Variants in DLG2 observed in about 807,000 individuals in gnomAD.
DLG2 encodes disks large homolog 2.
DLG2 carries 45 observed loss-of-function variants against 132.5 expected under a neutral mutation model. That is an observed-to-expected ratio of 0.34 (90% CI 0.27 to 0.44). The LOEUF (loss-of-function observed/expected upper bound fraction) is 0.44, where lower values mean the gene tolerates loss of function less well. Ranked by LOEUF, DLG2 falls within the 20% of genes least tolerant of loss-of-function variation. The pLI is 1.00. For missense variants in DLG2, 1,045 were observed against 1,196.9 expected (o/e 0.87, Z 1.87); for synonymous variants, 424 against 419.6 (o/e 1.01, Z -0.13).
intron 3 of DLG2, among the ~76,000 whole-genome samples, chr11:85,467,478 T>C (rs2092830670): frequency 6.6e-6 from 1 of 152,210 alleles, no homozygotes; most frequent in Non-Finnish European, 1.5e-5. Context: ...TTTTGAGATA[T>C]GTCCCATCAA....
intron 8 of DLG2, among the ~76,000 whole-genome samples, chr11:84,228,339 C>T (rs182361881): frequency 2.0e-5 from 3 of 152,298 alleles, no homozygotes; most frequent in Admixed American, 1.3e-4. Flanking sequence ...GTCCTTGACA[C>T]ATTCATCTTG....
intron 6 of DLG2, among the ~76,000 whole-genome samples, chr11:84,645,008 A>C (rs1174899094): frequency 6.6e-6 from 1 of 152,206 alleles, no homozygotes; most frequent in Admixed American, 6.5e-5. Context: ...GTACCCCTGC[A>C]GAGTTGCATT....
At chr11:84,751,747 T>C (rs2066142796) in intron 6 of DLG2, among the ~76,000 whole-genome samples, 2 of 152,180 alleles carry the variant, frequency 1.3e-5, no homozygotes, top group African/African-American at 2.4e-5. Flanking sequence ...TAGCAACAAA[T>C]TGCAATTGAT....
chr11:83,838,280 G>A (rs1433920767), intron 16 of DLG2, among the ~76,000 whole-genome samples: 1 of 152,144 alleles, frequency 6.6e-6, no homozygotes, highest in Non-Finnish European at 1.5e-5. Context: ...GAATCTAGGT[G>A]ACAAGTACAC....
chr11:84,718,011 T>A (rs189688400), intron 6 of DLG2, among the ~76,000 whole-genome samples: 1 of 152,172 alleles, frequency 6.6e-6, no homozygotes, highest in African/African-American at 2.4e-5. Context: ...TATTTTCTGT[T>A]GTCATCTGTC....
chr11:84,102,574 G>A (rs1327750177), intron 9 of DLG2, among the ~76,000 whole-genome samples: 1 of 152,116 alleles, frequency 6.6e-6, no homozygotes, highest in African/African-American at 2.4e-5. Flanking sequence ...TGTTCAGATT[G>A]GAGATGCACT....
rs1454595347 is a variant in DLG2, at chr11:85,598,707, A to G, written c.-11T>C. ...CTTAAAGATACCCATCACCTTTTTA[A>G]CCGCATTTTTCAACAGCTGCTCCTC... On this transcript the variant is annotated 5_prime_UTR_variant, in exon 3 of 28. Transcript: ENST00000376104. The G allele has an allele frequency of 6.3e-7, 1 of 1,578,192 alleles. No homozygotes were observed. The highest frequency in any genetic ancestry group is 8.6e-7 in the Non-Finnish European group (1 of 1,164,706).
chr11:85,473,734 A>G (rs1312507763), intron 3 of DLG2, among the ~76,000 whole-genome samples: 2 of 152,050 alleles, frequency 1.3e-5, no homozygotes, highest in Non-Finnish European at 2.9e-5. Context: ...AGACTTGTAG[A>G]AAAAAATACA....
intron 4 of DLG2, among the ~76,000 whole-genome samples, chr11:85,264,190 G>A (rs749875420): frequency 5.9e-5 from 9 of 152,230 alleles, no homozygotes; most frequent in South Asian, 4.1e-4. Flanking sequence ...GAGGAATCAC[G>A]TTTTGGAGTT....
intron 15 of DLG2, among the ~76,000 whole-genome samples, chr11:83,892,331 T>C (rs1205987232): frequency 6.6e-6 from 1 of 152,196 alleles, no homozygotes; most frequent in Non-Finnish European, 1.5e-5. Context: ...CGCTTTCCTC[T>C]GGGATTAATT....
intron 7 of DLG2, among the ~76,000 whole-genome samples, chr11:84,395,901 A>C (rs2098809301): frequency 6.6e-6 from 1 of 152,262 alleles, no homozygotes; most frequent in Admixed American, 6.5e-5. Flanking sequence ...TGTCAGAAAC[A>C]GAAGTCCTTG....
At chr11:85,117,101 C>A (rs115142603) in intron 5 of DLG2, among the ~76,000 whole-genome samples, 3 of 152,064 alleles carry the variant, frequency 2.0e-5, no homozygotes, top group Middle Eastern at 3.4e-3. Context: ...TCTCAGAGTT[C>A]GTCAAGGCAA....
Position 84,758,624 on chromosome 11 carries a change from T to C in DLG2, c.358-223893A>G, listed in dbSNP as rs909388523. Among the ~76,000 whole-genome samples, 48 of 152,322 alleles carry C rather than the reference T, an allele frequency of 3.2e-4. 1 individual carries two copies. Among genetic ancestry groups the C allele is most frequent in the African/African-American group, 1.0e-3 (42 of 41,580 alleles). ...ACCTCAGGGATTCAAATTTGTATTA[T>C]TTTAAATCATACCATAAATGACCAT... On this transcript the variant is annotated intron_variant, in intron 6 of 27. Coordinates refer to ENST00000376104, the MANE Select transcript of DLG2 (RefSeq NM_001142699.3).
At chr11:84,265,339 C>T (rs1023783945) in intron 7 of DLG2, among the ~76,000 whole-genome samples, 1 of 152,050 alleles carries the variant, frequency 6.6e-6, no homozygotes, top group Non-Finnish European at 1.5e-5. Flanking sequence ...TGTTAGACTT[C>T]GAACAATGCT....
At chr11:84,471,223 G>C (rs1322818013) in intron 7 of DLG2, among the ~76,000 whole-genome samples, 3 of 151,680 alleles carry the variant, frequency 2.0e-5, no homozygotes, top group African/African-American at 7.3e-5. Context: ...ACTTTCTGTG[G>C]TGTCTCTGCT....
chr11:84,677,186 T>C (rs1290203163), intron 6 of DLG2, among the ~76,000 whole-genome samples: 2 of 152,044 alleles, frequency 1.3e-5, no homozygotes, highest in Non-Finnish European at 2.9e-5. Context: ...TTAAAGTAGA[T>C]TGTATGAAGG....
chr11:83,906,232 GTCTC>G (rs144862801), intron 15 of DLG2, among the ~76,000 whole-genome samples: 6 of 71,590 alleles, frequency 8.4e-5, no homozygotes, highest in Non-Finnish European at 1.3e-4. Flanking sequence ...TATAGTAGAT[GTCTC>G]TCTCTCTCTC....
intron 8 of DLG2, among the ~76,000 whole-genome samples, chr11:84,196,474 G>T (rs1305327022): frequency 6.6e-6 from 1 of 152,178 alleles, no homozygotes; most frequent in East Asian, 1.9e-4. Context: ...ACTGTAAAAA[G>T]AAGAAATACT....
chr11:85,008,129 G>C (rs970141064), intron 6 of DLG2, among the ~76,000 whole-genome samples: 1 of 152,056 alleles, frequency 6.6e-6, no homozygotes, highest in Admixed American at 6.5e-5. Flanking sequence ...TTTTATGTTA[G>C]GTTTCTGCCA....
Sources: allele counts gnomAD v4.1 joint callset (sites outside exome capture counted in the v4.1 genomes callset), GRCh38; gene constraint gnomAD v4.1.1; transcripts MANE v1.5; gene names NCBI Gene and HGNC (gene_info 2026-07-23, HGNC 2026-07-21).